DIAPH2: variants seen among roughly 807,000 people sequenced by gnomAD.
DIAPH2 encodes protein diaphanous homolog 2.
Under a neutral mutation model 92.7 loss-of-function variants are expected in DIAPH2, and 35 were observed. The ratio of observed to expected loss-of-function variants is 0.38; its 90% CI spans 0.29 to 0.50. The LOEUF (loss-of-function observed/expected upper bound fraction) is 0.50, where lower values mean the gene tolerates loss of function less well. Among genes scored for constraint, DIAPH2 ranks in the 20% least tolerant of loss-of-function variants. The pLI is 0.94. For missense variants in DIAPH2, 701 were observed against 819.5 expected, an observed-to-expected ratio of 0.86 and a Z score of 1.77; for synonymous variants, 301 against 280.4, an observed-to-expected ratio of 1.07 and a Z score of -0.73.
intron 4 of DIAPH2, among the ~76,000 whole-genome samples, chrX:96,815,224 A>G (rs994593469): frequency 9.0e-6 from 1 of 111,261 alleles, no homozygotes; most frequent in Non-Finnish European, 1.9e-5. Context: ...CTGTTTACCT[A>G]CTCAAGCCTC....
At chrX:96,779,593 A>T (rs1333761528) in intron 4 of DIAPH2, among the ~76,000 whole-genome samples, 1 of 112,534 alleles carries the variant, frequency 8.9e-6, no homozygotes, top group Non-Finnish European at 1.9e-5. Context: ...CTTATCAGAT[A>T]CAAGTCTTAC....
At chrX:97,132,292 C>A (rs775639592) in intron 21 of DIAPH2, among the ~76,000 whole-genome samples, 1 of 111,402 alleles carries the variant, frequency 9.0e-6, no homozygotes, top group South Asian at 3.8e-4. Flanking sequence ...GGATGAAGAC[C>A]TCTTTCCACC....
At chrX:97,447,337 TC>T (rs1369399239) in intron 26 of DIAPH2, among the ~76,000 whole-genome samples, 2 of 111,077 alleles carry the variant, frequency 1.8e-5, no homozygotes, top group African/African-American at 6.6e-5. Context: ...TATCATTTCT[TC>T]CTGTTTCTCT....
At chrX:96,738,814 T>A in intron 3 of DIAPH2, 52 bp downstream of exon 3, 1 of 1,020,076 alleles carries the variant, frequency 9.8e-7, no homozygotes, top group Non-Finnish European at 1.3e-6. Flanking sequence ...GTGCCCAGAA[T>A]AGCACTGAGT....
chrX:97,129,140 T>TCTTTA, intron 21 of DIAPH2, among the ~76,000 whole-genome samples: 1 of 83,395 alleles, frequency 1.2e-5, no homozygotes, highest in Middle Eastern at 5.6e-3. Context: ...TCTTTTCTTT[T>TCTTTA]CTTTTCTTTC....
chrX:97,058,625 G>T (rs1184326401), intron 17 of DIAPH2, among the ~76,000 whole-genome samples: 2 of 109,741 alleles, frequency 1.8e-5, no homozygotes, highest in African/African-American at 6.6e-5. Flanking sequence ...CCTCTTAATT[G>T]GCTGTTCTGT....
intron 26 of DIAPH2, among the ~76,000 whole-genome samples, chrX:97,539,402 C>A (rs759005323): frequency 1.8e-5 from 2 of 111,666 alleles, no homozygotes; most frequent in Non-Finnish European, 3.8e-5. Context: ...TTCTTGATAC[C>A]GACCTTCAAA....
At chrX:97,150,404 A>T in intron 22 of DIAPH2, among the ~76,000 whole-genome samples, 1 of 111,927 alleles carries the variant, frequency 8.9e-6, no homozygotes, top group Non-Finnish European at 1.9e-5. Context: ...ACACAAATCA[A>T]TGATTTTATA....
At chrX:97,408,751 T>A (rs747168658) in intron 25 of DIAPH2, among the ~76,000 whole-genome samples, 1 of 111,889 alleles carries the variant, frequency 8.9e-6, no homozygotes, top group South Asian at 3.7e-4. Context: ...TATCTAGGCT[T>A]GGTATTTTTT....
At chrX:97,045,092 C>T (rs2066472247) in intron 17 of DIAPH2, among the ~76,000 whole-genome samples, 1 of 112,225 alleles carries the variant, frequency 8.9e-6, no homozygotes, top group African/African-American at 3.2e-5. Flanking sequence ...GCTTTGTTCA[C>T]TGCTTTAATT....
chrX:97,123,210 C>T (rs2067069690), intron 21 of DIAPH2, among the ~76,000 whole-genome samples: 1 of 111,597 alleles, frequency 9.0e-6, no homozygotes, highest in African/African-American at 3.3e-5. Context: ...TTTCATTGTA[C>T]TGTGCTTACT....
chrX:96,788,767 T>C, intron 4 of DIAPH2, among the ~76,000 whole-genome samples: 1 of 112,231 alleles, frequency 8.9e-6, no homozygotes, highest in Non-Finnish European at 1.9e-5. Flanking sequence ...ATTCCCATTA[T>C]GTCTGTTACC....
chrX:97,014,777 C>T (rs5920681), intron 17 of DIAPH2, among the ~76,000 whole-genome samples: 4,031 of 111,884 alleles, frequency 0.036, 89 homozygotes, highest in Middle Eastern at 0.079. Context: ...CCTCTTACAT[C>T]TCAGGTTCCT....
intron 22 of DIAPH2, among the ~76,000 whole-genome samples, chrX:97,185,431 A>ATG (rs2067585029): frequency 1.1e-4 from 7 of 63,950 alleles, no homozygotes; most frequent in East Asian, 4.3e-4. Flanking sequence ...ATGTATATAT[A>ATG]TATGTGTATA....
At position 96,994,469 on chromosome X, in the gene DIAPH2, TG is replaced by T. The variant is rs2066091927; in HGVS notation, c.2050+29263del. Among the ~76,000 whole-genome samples, 5 of 111,761 alleles carry T rather than the reference TG, an allele frequency of 4.5e-5. No homozygotes were observed. In the South Asian group the frequency reaches 1.9e-3, roughly 42 times the overall value. On this transcript the variant is annotated intron_variant, in intron 17 of 26. Coordinates refer to ENST00000324765, the MANE Select transcript of DIAPH2 (RefSeq NM_006729.5). Reference sequence around the variant, plus strand: ...TAGGCTACTGTCTTGTAGGCAGTCATGTGTAGAAAGTTTGTAGCTCAGAAGA... The same window carrying T: ...TAGGCTACTGTCTTGTAGGCAGTCATTGTAGAAAGTTTGTAGCTCAGAAGA...
chrX:96,882,114 G>A (rs3138308), intron 5 of DIAPH2, among the ~76,000 whole-genome samples: 5,733 of 108,905 alleles, frequency 0.053, 177 homozygotes, highest in Middle Eastern at 0.13. Context: ...GCAGTGGCAC[G>A]ATCTTGGCTC....
chrX:96,706,025 G>C (rs2063883814), intron 1 of DIAPH2, among the ~76,000 whole-genome samples: 2 of 112,512 alleles, frequency 1.8e-5, no homozygotes, highest in South Asian at 7.2e-4. Flanking sequence ...TAGCAATGTG[G>C]TTTTTAAAAT....
At chrX:97,158,312 G>C (rs1213395525) in intron 22 of DIAPH2, among the ~76,000 whole-genome samples, 2 of 110,892 alleles carry the variant, frequency 1.8e-5, no homozygotes, top group Admixed American at 1.9e-4. Flanking sequence ...AATTCTGCTA[G>C]AAACAGTTAA....
intron 21 of DIAPH2, among the ~76,000 whole-genome samples, chrX:97,116,529 A>G (rs1045027205): frequency 8.9e-6 from 1 of 111,857 alleles, no homozygotes; most frequent in Non-Finnish European, 1.9e-5. Context: ...ATTGTATTGC[A>G]TACCATATCC....
Sources: gnomAD v4.1 joint callset for allele counts (sites outside exome capture counted in the v4.1 genomes callset) on GRCh38, gnomAD v4.1.1 for gene constraint, MANE v1.5 for transcripts, NCBI Gene and HGNC (gene_info 2026-07-23, HGNC 2026-07-21) for gene names.